PTPRD: variants seen among roughly 807,000 people sequenced by gnomAD.
The protein encoded by PTPRD is protein tyrosine phosphatase receptor type D.
A neutral mutation model predicts 214.5 loss-of-function variants in PTPRD; 34 were observed. The ratio of observed to expected loss-of-function variants is 0.16; its 90% CI spans 0.12 to 0.21. The LOEUF (loss-of-function observed/expected upper bound fraction) is 0.21, where lower values mean the gene tolerates loss of function less well. Ranked by LOEUF, PTPRD falls within the 10% of genes least tolerant of loss-of-function variation. The pLI, the probability that PTPRD is intolerant of heterozygous loss-of-function variation, is 1.00. For synonymous variants in PTPRD, 1,128 were observed against 845.7 expected (o/e 1.33, Z -5.79); for missense variants, 2,545 against 2,398.7 (o/e 1.06, Z -1.27).
At chr9:10,531,648 C>G (rs1340450649) in intron 2 of PTPRD, among the ~76,000 whole-genome samples, 1 of 152,106 alleles carries the variant, frequency 6.6e-6, no homozygotes, top group Non-Finnish European at 1.5e-5. Context: ...GTTGTAATAT[C>G]AAATATGGCT....
intron 8 of PTPRD, among the ~76,000 whole-genome samples, chr9:9,530,681 C>T (rs1590869647): frequency 6.6e-6 from 1 of 152,074 alleles, no homozygotes; most frequent in Non-Finnish European, 1.5e-5. Flanking sequence ...CACAATGACA[C>T]ACAATGAAAT....
chr9:10,610,014 C>A (rs1304970966), intron 2 of PTPRD, among the ~76,000 whole-genome samples: 1 of 152,128 alleles, frequency 6.6e-6, no homozygotes, highest in East Asian at 1.9e-4. Context: ...TCATTCCCTG[C>A]AGACTGCTTA....
At chr9:10,156,640 C>G (rs1009297397) in intron 3 of PTPRD, among the ~76,000 whole-genome samples, 4 of 152,050 alleles carry the variant, frequency 2.6e-5, no homozygotes, top group Non-Finnish European at 5.9e-5. Context: ...GTGTAGATGT[C>G]TATCAGATCC....
chr9:10,576,385 TGAGA>T (rs2069338526), intron 2 of PTPRD, among the ~76,000 whole-genome samples: 1 of 152,138 alleles, frequency 6.6e-6, no homozygotes, highest in Admixed American at 6.6e-5. Context: ...TTAAGAACTC[TGAGA>T]GAGTTTAATA....
chr9:9,238,697 A>T (rs1429311163), intron 9 of PTPRD, among the ~76,000 whole-genome samples: 2 of 152,122 alleles, frequency 1.3e-5, no homozygotes, highest in African/African-American at 4.8e-5. Flanking sequence ...GCTTCAATAA[A>T]ATGTCCATGC....
intron 2 of PTPRD, among the ~76,000 whole-genome samples, chr9:10,548,472 C>T (rs1013560187): frequency 1.3e-5 from 2 of 152,014 alleles, no homozygotes; most frequent in South Asian, 2.1e-4. Flanking sequence ...AATGGGAACC[C>T]AAGGGGCTCA....
At chr9:9,267,655 T>C (rs977134046) in intron 9 of PTPRD, among the ~76,000 whole-genome samples, 1 of 151,190 alleles carries the variant, frequency 6.6e-6, no homozygotes, top group Non-Finnish European at 1.5e-5. Context: ...ATGAATTCAA[T>C]AGCTTATTAA....
chr9:10,096,943 G>C (rs1055963641), intron 3 of PTPRD, among the ~76,000 whole-genome samples: 1 of 151,852 alleles, frequency 6.6e-6, no homozygotes, highest in Non-Finnish European at 1.5e-5. Flanking sequence ...TCCAGTTTCA[G>C]CTTTCTACAT....
At chr9:8,500,045 C>T (rs1333372900) in intron 24 of PTPRD, among the ~76,000 whole-genome samples, 5 of 98,100 alleles carry the variant, frequency 5.1e-5, no homozygotes, top group Admixed American at 1.1e-4. Context: ...AAAACATGAC[C>T]GATGCAAAAA....
intron 2 of PTPRD, among the ~76,000 whole-genome samples, chr9:10,382,789 A>C (rs2097848492): frequency 6.6e-6 from 1 of 151,882 alleles, no homozygotes. Context: ...GGCATTTGTC[A>C]AGGAAGATGG....
intron 14 of PTPRD, among the ~76,000 whole-genome samples, chr9:8,547,599 C>T (rs2080603647): frequency 6.8e-6 from 1 of 146,590 alleles, no homozygotes; most frequent in Admixed American, 6.9e-5. Context: ...GCCGTGTTCA[C>T]ACCACCGCAC....
rs756769407 is a variant in PTPRD, at chr9:9,334,929, T to TA, written c.-203+62519dup. On this transcript the variant is annotated intron_variant, in intron 9 of 45. Transcript: ENST00000381196. ...TTCAAAATAAGTTAATAGTAATTTTTAAAAAAAACCTTATGAAGGTAGAGT... is the reference window on the plus strand; with the variant it reads ...TTCAAAATAAGTTAATAGTAATTTTTAAAAAAAAACCTTATGAAGGTAGAGT... Among the ~76,000 whole-genome samples the TA allele has an allele frequency of 5.5e-4, 84 of 151,864 alleles. 1 individual carries two copies. Among genetic ancestry groups the TA allele is most frequent in the East Asian group, 1.7e-3 (9 of 5,168 alleles).
At chr9:9,443,636 A>G (rs951261306) in intron 8 of PTPRD, among the ~76,000 whole-genome samples, 9 of 152,174 alleles carry the variant, frequency 5.9e-5, no homozygotes, top group South Asian at 2.1e-4. Flanking sequence ...ATGAGAACAC[A>G]TAGAGAAGGG....
chr9:10,252,707 T>A lies in PTPRD; in HGVS notation c.-545+88256A>T, dbSNP rs954261951. 6.6e-5 allele frequency among the ~76,000 whole-genome samples: 10 copies of A among 152,322 alleles called. No individual in the cohort carries two copies. In the East Asian group the frequency reaches 1.9e-3, roughly 29 times the overall value. On this transcript the variant is annotated intron_variant, in intron 3 of 45. Coordinates refer to ENST00000381196, the MANE Select transcript of PTPRD (RefSeq NM_002839.4). ...CCAAGATTTCTTTTTCATTATTTTT[T>A]ACTTAAAAAAGCCAAATTAAATATA...
rs145658428 is a variant in PTPRD, at chr9:8,807,889, T to C, written c.-103-73943A>G. 4.9e-4 allele frequency among the ~76,000 whole-genome samples: 75 copies of C among 152,202 alleles called. No individual in the cohort carries two copies. In the East Asian group the frequency reaches 0.012, roughly 24 times the overall value. ...GTATGTATGGCGAGACAAGGCAAAA[T>C]GGGTCTAAAGAGAATCTGTATTCCA... On this transcript the variant is annotated intron_variant, in intron 11 of 45. Coordinates refer to ENST00000381196, the MANE Select transcript of PTPRD (RefSeq NM_002839.4).
At chr9:10,489,176 A>T (rs1373143748) in intron 2 of PTPRD, among the ~76,000 whole-genome samples, 2 of 152,084 alleles carry the variant, frequency 1.3e-5, no homozygotes, top group African/African-American at 4.8e-5. Flanking sequence ...ATCAGGCGAT[A>T]TATCCTGCCA....
intron 14 of PTPRD, among the ~76,000 whole-genome samples, chr9:8,557,431 A>AAT (rs1281715374): frequency 2.0e-4 from 22 of 111,718 alleles, no homozygotes; most frequent in African/African-American, 1.6e-3. Flanking sequence ...TTCATTTGTA[A>AAT]ATACATATAT....
In PTPRD at chr9:8,670,834, G is replaced by A. The variant is rs7859995; in HGVS notation, c.65-33990C>T. 8.9e-3 allele frequency among the ~76,000 whole-genome samples: 1,354 copies of A among 152,282 alleles called. 17 individuals are homozygous for A. Among genetic ancestry groups the A allele is most frequent in the African/African-American group, 0.031 (1,299 of 41,538 alleles). ...GCTACAGAGAGGCGACAGAGAATGAGACCCAGTAAAAGCACATTTCTTTCA... is the reference window on the plus strand; with the variant it reads ...GCTACAGAGAGGCGACAGAGAATGAAACCCAGTAAAAGCACATTTCTTTCA... On this transcript the variant is annotated intron_variant, in intron 12 of 45. Coordinates refer to ENST00000381196, the MANE Select transcript of PTPRD (RefSeq NM_002839.4).
rs149770043 is a variant in PTPRD at position 10,474,103 on chromosome 9, T to C, written c.-599-133086A>G. ...TAATGTGCAAAATAACCAGCTAGCA[T>C]CATCACGACAGGATCAAATTCACAC... On this transcript the variant is annotated intron_variant, in intron 2 of 45. Transcript: ENST00000381196. Among the ~76,000 whole-genome samples the C allele has an allele frequency of 4.6e-3, 696 of 152,154 alleles. 8 individuals are homozygous for C. Among genetic ancestry groups the C allele is most frequent in the African/African-American group, 0.016 (665 of 41,532 alleles).
Sources: allele counts gnomAD v4.1 joint callset (sites outside exome capture counted in the v4.1 genomes callset), GRCh38; gene constraint gnomAD v4.1.1; transcripts MANE v1.5; gene names NCBI Gene and HGNC (gene_info 2026-07-23, HGNC 2026-07-21).